The following SLC3A2 variants were observed in gnomAD, a reference collection of about 807,000 sequenced individuals.
SLC3A2 encodes solute carrier family 3 member 2, also known as amino acid transporter heavy chain SLC3A2.
In SLC3A2, 32 loss-of-function variants were observed where a neutral mutation model predicts 48.5. That is an observed-to-expected ratio of 0.66 (90% CI 0.50 to 0.89). The LOEUF (loss-of-function observed/expected upper bound fraction) is 0.89, where lower values mean the gene tolerates loss of function less well. Among genes scored for constraint, SLC3A2 ranks in the 40% least tolerant of loss-of-function variants. The pLI, the probability that SLC3A2 is intolerant of heterozygous loss-of-function variation, is 0.00. For synonymous variants in SLC3A2, 277 were observed against 288.8 expected (o/e 0.96, Z 0.41); for missense variants, 587 against 680.7 (o/e 0.86, Z 1.53).
At chr11:62,870,711 T>G (rs2085502034) in intron 1 of SLC3A2, 1 of 158,440 alleles carries the variant, frequency 6.3e-6, no homozygotes, top group Non-Finnish European at 1.3e-5. Context: ...ACTTTATACA[T>G]TATTATTATT....
chr11:62,866,120 CTTT>C lies in SLC3A2; in HGVS notation c.112+9752_112+9754del, dbSNP rs35988334. 7.7e-5 allele frequency among the ~76,000 whole-genome samples: 11 copies of C among 142,442 alleles called. No individual in the cohort carries two copies. In the East Asian group the frequency reaches 1.6e-3, roughly 21 times the overall value. The allele number at this position is 142,442 out of a possible 152,430, so 93.4% of individuals were successfully genotyped here. ...CCAGCATGCCCACTTTTTTCAGCCA[CTTT>C]TTTTTTTTTTTTGGATGGAGTTTTG... is the stretch of plus-strand genomic sequence containing the variant. On this transcript the variant is annotated intron_variant, in intron 1 of 9. Coordinates refer to the SLC3A2 transcript ENST00000377889.
chr11:62,885,336 C>G lies in SLC3A2; in HGVS notation c.978C>G (p.Gly326=), dbSNP rs572366318. Residue 326 remains glycine (G), a synonymous_variant, in exon 6 of 9, where the codon GGC becomes GGG. Coordinates refer to ENST00000338663, the MANE Select transcript of SLC3A2 (RefSeq NM_001013251.3). ...TCACACAGTATTTGAATGCCACTGGCAATCGCTGGTGCAGCTGGAGTGTGA... is the reference window on the plus strand; with the variant it reads ...TCACACAGTATTTGAATGCCACTGGGAATCGCTGGTGCAGCTGGAGTGTGA... ...SLVTQYLNAT[G]NRWCSWSLSQ... is the part of the protein sequence containing the mutation. 3 of 1,614,220 alleles carry G rather than the reference C, an allele frequency of 1.9e-6. No homozygotes were observed. The East Asian group carries it at 6.7e-5, about 36-fold the overall frequency.
Position 62,881,049 on chromosome 11 carries a change from T to C in SLC3A2, c.26T>C (p.Met9Thr). The C allele has an allele frequency of 1.3e-6, 2 of 1,586,414 alleles. No homozygotes were observed. Among genetic ancestry groups the C allele is most frequent in the Non-Finnish European group, 1.7e-6 (2 of 1,163,962 alleles). The change falls in exon 1 of 9, where the codon ATG (methionine) becomes ACG (threonine). Residue 9 changes from methionine (M) to threonine (T), a missense_variant. By Grantham distance (81) the Met-to-Thr change is moderately conservative. This residue lies in a region of SLC3A2 where 409 missense variants were observed against 446.7 expected (regional missense o/e 0.92). Coordinates refer to ENST00000338663, the MANE Select transcript of SLC3A2 (RefSeq NM_001013251.3). The surrounding 1 kb of genome is among the most constrained non-coding windows in gnomAD (Gnocchi z 4.0). Reference protein sequence around the residue: MSQDTEVDMKEVELNELEP... With the variant: MSQDTEVDTKEVELNELEP... The stretch of plus-strand genomic sequence containing the variant: ...ATGAGCCAGGACACCGAGGTGGATA[T>C]GAAGGAGGTGGAGCTGAATGAGTTA...
chr11:62,888,640 C>G lies in SLC3A2; in HGVS notation c.1537C>G (p.Leu513Val), dbSNP rs748739205. Residue 513 changes from leucine to valine, a missense_variant, in exon 9 of 9, where the codon CTG becomes GTG. Coordinates refer to ENST00000338663, the MANE Select transcript of SLC3A2 (RefSeq NM_001013251.3). ...GGGCTCCCCTCTTGAGCTGGAACGC[C>G]TGAAACTGGAGCCTCACGAAGGGCT... Reference protein sequence around the residue: ...EEGSPLELERLKLEPHEGLLL... With the variant: ...EEGSPLELERVKLEPHEGLLL... 2 of 1,606,748 alleles carry G rather than the reference C, an allele frequency of 1.2e-6. No homozygotes were observed. The highest frequency in any genetic ancestry group is 1.7e-6 in the Non-Finnish European group (2 of 1,179,762).
At position 62,888,483 on chromosome 11, in the gene SLC3A2, G is replaced by A; in HGVS notation, c.1380G>A (p.Glu460=). The stretch of plus-strand genomic sequence containing the variant: ...ATATCCGCCACTGGGACCAGAATGA[G>A]CGTTTTCTGGTAGTGCTTAACTTTG... The part of the protein sequence containing the change: ...FSYIRHWDQN[E]RFLVVLNFGD... Residue 460 remains glutamate (E), a synonymous_variant, in exon 9 of 9, where the codon GAG becomes GAA. Transcript: ENST00000338663. The A allele has an allele frequency of 6.2e-7, 1 of 1,614,264 alleles. No homozygotes were observed. The highest frequency in any genetic ancestry group is 1.1e-5 in the South Asian group (1 of 91,090).
At chr11:62,862,714 A>G (rs1724606217) in intron 1 of SLC3A2, among the ~76,000 whole-genome samples, 3 of 152,066 alleles carry the variant, frequency 2.0e-5, no homozygotes, top group Admixed American at 1.3e-4. Flanking sequence ...AATGCTGTAA[A>G]TTTTTAAATG....
intron 1 of SLC3A2, among the ~76,000 whole-genome samples, chr11:62,857,995 C>T (rs1327558891): frequency 6.6e-6 from 1 of 151,830 alleles, no homozygotes; most frequent in Non-Finnish European, 1.5e-5. Context: ...CTGGGGAAAG[C>T]CAGATAAGCA....
chr11:62,871,507 T>A (rs1261422922), intron 1 of SLC3A2: 1 of 500,666 alleles, frequency 2.0e-6, no homozygotes, highest in Non-Finnish European at 3.5e-6. Context: ...CCCAAAGTGC[T>A]GGGATTACAG....
intron 1 of SLC3A2, among the ~76,000 whole-genome samples, chr11:62,859,526 T>G (rs1396602789): frequency 6.6e-6 from 1 of 151,958 alleles, no homozygotes; most frequent in Non-Finnish European, 1.5e-5. Context: ...TACTAAAAAT[T>G]CAAAAATAAG....
chr11:62,881,307 T>A lies in SLC3A2; in HGVS notation c.284T>A (p.Met95Lys). ...CTCTTCTGGCTCGGCTGGCTCGGCATGCTTGCTGGTGCCGTGGTCATAATC... is the reference window on the plus strand; with the variant it reads ...CTCTTCTGGCTCGGCTGGCTCGGCAAGCTTGCTGGTGCCGTGGTCATAATC... ...LLLFWLGWLG[M>K]LAGAVVIIVR... Residue 95 changes from methionine (M) to lysine (K), a missense_variant, in exon 1 of 9, where the codon ATG becomes AAG. Physicochemically the swap from Met to Lys is moderately conservative, Grantham distance 95 (BLOSUM62 -1). Around this residue, in one of 3 missense-constraint regions of SLC3A2, gnomAD observed 409 missense variants for 446.7 expected, o/e 0.92. Transcript: ENST00000338663. The surrounding 1 kb of genome is among the most constrained non-coding windows in gnomAD (Gnocchi z 4.0). 6.3e-7 allele frequency: 1 copy of A among 1,577,734 alleles called. No individual in the cohort carries two copies. The highest frequency in any genetic ancestry group is 8.6e-7 in the Non-Finnish European group (1 of 1,165,736).
In SLC3A2 at chr11:62,885,270, G is replaced by A; in HGVS notation, c.912G>A (p.Leu304=). The stretch of plus-strand genomic sequence containing the variant: ...ACTTGCTGTTGACTAGCTCATACCT[G>A]TCTGATTCTGGTTCTACTGGGGAGC... ...NKDLLLTSSY[L]SDSGSTGEHT... is the part of the protein sequence containing the mutation. Residue 304 remains leucine (L), a synonymous_variant, in exon 6 of 9, where the codon CTG becomes CTA. Transcript: ENST00000338663. 3 of 1,614,182 alleles carry A rather than the reference G, an allele frequency of 1.9e-6. No homozygotes were observed. Among genetic ancestry groups the A allele is most frequent in the Non-Finnish European group, 2.5e-6 (3 of 1,180,046 alleles).
intron 7 of SLC3A2, chr11:62,887,739 G>C (rs2085733545): frequency 6.2e-6 from 1 of 160,212 alleles, no homozygotes; most frequent in African/African-American, 2.4e-5. Context: ...ACATGAGTTG[G>C]GGAGGTTATA....
chr11:62,883,137 CTA>C (rs1397742211), intron 3 of SLC3A2, 138 bp downstream of exon 3: 1 of 717,570 alleles, frequency 1.4e-6, no homozygotes, highest in Non-Finnish European at 2.5e-6. Context: ...ATGCCTCCTC[CTA>C]TAGCCAAAGG....
intron 1 of SLC3A2, among the ~76,000 whole-genome samples, chr11:62,875,318 G>T (rs1407770166): frequency 6.6e-6 from 1 of 152,094 alleles, no homozygotes; most frequent in Admixed American, 6.6e-5. Context: ...AGGCCGAGGC[G>T]AGTGGATCAC....
exon 1 of SLC3A2, chr11:62,856,266 C>G: frequency 2.5e-6 from 4 of 1,607,374 alleles, no homozygotes; most frequent in Non-Finnish European, 3.4e-6. Flanking sequence ...CAGGATCCGC[C>G]TCCATGGAGC....
chr11:62,860,096 CAT>C (rs1477193287), intron 1 of SLC3A2, among the ~76,000 whole-genome samples: 2 of 152,164 alleles, frequency 1.3e-5, no homozygotes, highest in Non-Finnish European at 2.9e-5. Context: ...AGCAGGAAAA[CAT>C]GTGAGCAAAG....
At chr11:62,858,332 G>A (rs1267810409) in intron 1 of SLC3A2, among the ~76,000 whole-genome samples, 2 of 152,176 alleles carry the variant, frequency 1.3e-5, no homozygotes, top group African/African-American at 2.4e-5. Flanking sequence ...GTTGCCTTGC[G>A]ACAATATTGT....
rs2085695716 is a variant in SLC3A2, at chr11:62,885,290, G to C, written c.932G>C (p.Gly311Ala). 1 of 1,614,178 alleles carries C rather than the reference G, an allele frequency of 6.2e-7. No homozygotes were observed. Among genetic ancestry groups the C allele is most frequent in the Non-Finnish European group, 8.5e-7 (1 of 1,180,040 alleles). The stretch of plus-strand genomic sequence containing the variant: ...TACCTGTCTGATTCTGGTTCTACTG[G>C]GGAGCATACAAAATCCCTAGTCACA... ...SSYLSDSGST[G>A]EHTKSLVTQY... Residue 311 changes from glycine (G) to alanine (A), a missense_variant, in exon 6 of 9, where the codon GGG becomes GCG. Coordinates refer to ENST00000338663, the MANE Select transcript of SLC3A2 (RefSeq NM_001013251.3).
intron 7 of SLC3A2, among the ~76,000 whole-genome samples, chr11:62,887,097 T>A (rs1029553311): frequency 6.6e-6 from 1 of 152,142 alleles, no homozygotes; most frequent in African/African-American, 2.4e-5. Context: ...TATAGAATAA[T>A]TTCTGTCTGT....
Sources: allele counts gnomAD v4.1 joint callset (sites outside exome capture counted in the v4.1 genomes callset), GRCh38; gene constraint gnomAD v4.1.1; regional missense constraint gnomAD v4.1.1; non-coding constraint Gnocchi (gnomAD v3.1); transcripts MANE v1.5; gene names NCBI Gene and HGNC (gene_info 2026-07-23, HGNC 2026-07-21).